Variants in SOHLH1 observed in about 807,000 individuals in gnomAD.
SOHLH1 encodes the protein spermatogenesis and oogenesis specific basic helix-loop-helix 1.
A neutral mutation model predicts 36.2 loss-of-function variants in SOHLH1; 23 were observed. The ratio of observed to expected loss-of-function variants is 0.64; its 90% CI spans 0.46 to 0.90. The LOEUF (loss-of-function observed/expected upper bound fraction) is 0.90, where lower values mean the gene tolerates loss of function less well. Among genes scored for constraint, SOHLH1 ranks in the 40% least tolerant of loss-of-function variants. SOHLH1 has a pLI of 0.00. For missense variants in SOHLH1, 608 were observed against 517.0 expected (o/e 1.18, Z -1.71); for synonymous variants, 289 against 228.3 (o/e 1.27, Z -2.40).
chr9:135,699,424 A>G lies in SOHLH1; in HGVS notation c.44T>C (p.Ile15Thr). 6.2e-7 allele frequency: 1 copy of G among 1,612,250 alleles called. No homozygotes were observed. ...CSEPYPEVSR[I>T]PTVRGCNGSL... Reference sequence around the variant, plus strand: ...TCACTTGCATCCCCTGACGGTAGGGATTCTGGAGACCTCCGGGTAGGGCTC... The same window carrying G: ...TCACTTGCATCCCCTGACGGTAGGGGTTCTGGAGACCTCCGGGTAGGGCTC... The change falls in exon 1 of 8, where the codon ATC (isoleucine) becomes ACC (threonine). Residue 15 changes from isoleucine to threonine, a missense_variant. Transcript: ENST00000425225.
rs752267463 is a variant in SOHLH1 at position 135,697,586 on chromosome 9, C to T, written c.387G>A (p.Glu129=). The T allele has an allele frequency of 1.2e-6, 2 of 1,612,576 alleles. No individual in the cohort carries two copies. Among genetic ancestry groups the T allele is most frequent in the Non-Finnish European group, 1.7e-6 (2 of 1,179,684 alleles). ...TCGACAACGTCAACTGTAAAACATCCTCCTGCAACGAGTGCCACATTTCCT... is the reference window on the plus strand; with the variant it reads ...TCGACAACGTCAACTGTAAAACATCTTCCTGCAACGAGTGCCACATTTCCT... ...SSKEMWHSLQ[E]DVLQLTLSSQ... Residue 129 remains glutamate, a synonymous_variant, in exon 4 of 8, where the codon GAG becomes GAA. Coordinates refer to ENST00000425225, the MANE Select transcript of SOHLH1 (RefSeq NM_001101677.2).
Position 135,693,627 on chromosome 9 carries a change from C to A in SOHLH1, c.1134G>T (p.Glu378Asp). 1.3e-6 allele frequency: 2 copies of A among 1,585,200 alleles called. No individual in the cohort carries two copies. Among genetic ancestry groups the A allele is most frequent in the Non-Finnish European group, 8.6e-7 (1 of 1,166,012 alleles). Residue 378 changes from glutamate (E) to aspartate (D), a missense_variant, in exon 8 of 8, where the codon GAG becomes GAT. Glu to Asp is a conservative substitution (Grantham distance 45, BLOSUM62 2). Coordinates refer to ENST00000425225, the MANE Select transcript of SOHLH1 (RefSeq NM_001101677.2). Reference protein sequence around the residue: ...CAGLALKDEVESIFPDFFAC With the variant: ...CAGLALKDEVDSIFPDFFAC ...AGGCAAAGAAGTCAGGGAAGATGCT[C>A]TCCACCTCGTCCTTCAGGGCCAGGC...
intron 3 of SOHLH1, 116 bp downstream of exon 3, chr9:135,698,213 G>A (rs1834885552): frequency 2.1e-6 from 3 of 1,441,812 alleles, no homozygotes; most frequent in East Asian, 4.5e-5. Context: ...TCTAGCCGTG[G>A]AGACCCAGAG....
chr9:135,696,916 G>A (rs1160917695), intron 4 of SOHLH1, 111 bp from the exon 5 acceptor site: 8 of 1,195,796 alleles, frequency 6.7e-6, no homozygotes. Flanking sequence ...GACACCCCAG[G>A]CACCACCCAG....
chr9:135,697,825 G>A lies in SOHLH1; in HGVS notation c.346-198C>T, dbSNP rs374179771. 7.2e-5 allele frequency among the ~76,000 whole-genome samples: 11 copies of A among 152,080 alleles called. No individual in the cohort carries two copies. In the East Asian group the frequency reaches 9.7e-4, roughly 13 times the overall value. ...AAAGGCCCCACCATTCCTGAATCAGGCTGTGCATACCCAAGGGCCTCACTG... is the reference window on the plus strand; with the variant it reads ...AAAGGCCCCACCATTCCTGAATCAGACTGTGCATACCCAAGGGCCTCACTG... On this transcript the variant is annotated intron_variant, in intron 3 of 7. Transcript: ENST00000425225.
chr9:135,694,508 G>A (rs1337208687), intron 6 of SOHLH1, 51 bp from the exon 7 acceptor site: 1 of 1,602,466 alleles, frequency 6.2e-7, no homozygotes, highest in African/African-American at 1.3e-5. Context: ...CCAGACCTTG[G>A]AGCTCAAGGA....
chr9:135,700,570 G>A (rs577357152), upstream of SOHLH1, among the ~76,000 whole-genome samples: 453 of 152,310 alleles, frequency 3.0e-3, 1 homozygote, highest in Non-Finnish European at 5.1e-3. Context: ...AGGAGCCCGG[G>A]CAGGTGCCAC....
intron 1 of SOHLH1, 42 bp downstream of exon 1, chr9:135,699,361 C>T (rs758838741): frequency 6.3e-7 from 1 of 1,587,644 alleles, no homozygotes; most frequent in East Asian, 2.3e-5. Flanking sequence ...TGGGTACAGG[C>T]CTTGGGCCCC....
chr9:135,694,470 A>C lies in SOHLH1; in HGVS notation c.876-13T>G, dbSNP rs952900128. On this transcript the variant is annotated splice_polypyrimidine_tract_variant and intron_variant, in intron 6 of 7. Transcript: ENST00000425225. Reference sequence around the variant, plus strand: ...CCCCAACGCAGACCTGGAAGCGACAAGCTCTTCCTCAGTGGCCACAAGCGG... The same window carrying C: ...CCCCAACGCAGACCTGGAAGCGACACGCTCTTCCTCAGTGGCCACAAGCGG... 6.2e-7 allele frequency: 1 copy of C among 1,612,212 alleles called. No homozygotes were observed. Among genetic ancestry groups the C allele is most frequent in the Non-Finnish European group, 8.5e-7 (1 of 1,179,866 alleles).
At chr9:135,700,063 C>T (rs1223043612), upstream of SOHLH1, among the ~76,000 whole-genome samples, 1 of 152,164 alleles carries the variant, frequency 6.6e-6, no homozygotes, top group Non-Finnish European at 1.5e-5. Context: ...CCAGGGGCAT[C>T]TTGTCCCCAC....
At chr9:135,700,992 C>G (rs571633478), upstream of SOHLH1, among the ~76,000 whole-genome samples, 2 of 152,338 alleles carry the variant, frequency 1.3e-5, no homozygotes, top group African/African-American at 4.8e-5. Flanking sequence ...ATCACAGATG[C>G]AGATGGTGCG....
In SOHLH1 at chr9:135,693,559, C is replaced by T; in HGVS notation, c.*38G>A. 1 of 1,527,268 alleles carries T rather than the reference C, an allele frequency of 6.5e-7. No homozygotes were observed. The highest frequency in any genetic ancestry group is 2.3e-4 in the Middle Eastern group (1 of 4,386). 94.6% of individuals were successfully genotyped at this position (1,527,268 alleles called of 1,614,324 possible). On this transcript the variant is annotated 3_prime_UTR_variant, in exon 8 of 8. Transcript: ENST00000425225. ...GACAGGGACACACACGGCTCCAGATCCACCGGCCCCGCCCGCCTCCTCTCC... is the reference window on the plus strand; with the variant it reads ...GACAGGGACACACACGGCTCCAGATTCACCGGCCCCGCCCGCCTCCTCTCC...
intron 3 of SOHLH1, 39 bp from the exon 4 acceptor site, chr9:135,697,666 A>G (rs1815847550): frequency 3.1e-6 from 5 of 1,596,238 alleles, no homozygotes; most frequent in Non-Finnish European, 4.3e-6. Flanking sequence ...AGACAGAGAC[A>G]GTCAGCTGAG....
chr9:135,695,033 A>G lies in SOHLH1; in HGVS notation c.875+17T>C. 1.3e-6 allele frequency: 2 copies of G among 1,580,876 alleles called. No homozygotes were observed. The highest frequency in any genetic ancestry group is 1.7e-6 in the Non-Finnish European group (2 of 1,165,596). On this transcript the variant is annotated intron_variant, in intron 6 of 7. Transcript: ENST00000425225. ...CGCTCACGCACACACAGGCGTGCAC[A>G]CCACCTGGGCACTCACCCGGCCTCC...
Position 135,699,456 on chromosome 9 carries a change from C to G in SOHLH1, c.12G>C (p.Arg4=), listed in dbSNP as rs1195631243. ...AGACCTCCGGGTAGGGCTCGGAGCA[C>G]CGGGACGCCATGAACTCGCAGCTGC... The part of the protein sequence containing the change: MAS[R]CSEPYPEVSR... The change falls in exon 1 of 8, where the codon CGG becomes CGC. Residue 4 remains arginine (R), a synonymous_variant. Coordinates refer to ENST00000425225, the MANE Select transcript of SOHLH1 (RefSeq NM_001101677.2). The G allele has an allele frequency of 2.5e-6, 4 of 1,612,130 alleles. No individual in the cohort carries two copies. The highest frequency in any genetic ancestry group is 1.7e-5 in the Admixed American group (1 of 59,930).
chr9:135,700,456 G>T (rs1314240986), upstream of SOHLH1, among the ~76,000 whole-genome samples: 4 of 152,020 alleles, frequency 2.6e-5, no homozygotes, highest in Non-Finnish European at 5.9e-5. Flanking sequence ...GGGGGGTGAG[G>T]CTGGACTGTT....
chr9:135,695,856 G>C (rs1213653788), intron 5 of SOHLH1, among the ~76,000 whole-genome samples: 3 of 152,184 alleles, frequency 2.0e-5, no homozygotes, highest in South Asian at 4.1e-4. Flanking sequence ...AGGGACAAAG[G>C]CCCCGGGTGG....
chr9:135,696,620 G>T lies in SOHLH1; in HGVS notation c.653C>A (p.Pro218His). The change falls in exon 5 of 8, where the codon CCT becomes CAT. Residue 218 changes from proline (P) to histidine (H), a missense_variant. Coordinates refer to ENST00000425225, the MANE Select transcript of SOHLH1 (RefSeq NM_001101677.2). ...GLCQVRGGLP[P>H]FSEPSSLVPW... ...GCACACCCAGGACTCACCTGAGAAA[G>T]GGGGCAGCCCACCCCGCACCTGGCA... 1 of 1,612,346 alleles carries T rather than the reference G, an allele frequency of 6.2e-7. No homozygotes were observed. The highest frequency in any genetic ancestry group is 8.5e-7 in the Non-Finnish European group (1 of 1,179,696).
intron 3 of SOHLH1, among the ~76,000 whole-genome samples, 189 bp from the exon 4 acceptor site, chr9:135,697,816 C>T (rs528654263): frequency 6.6e-6 from 1 of 152,228 alleles, no homozygotes; most frequent in South Asian, 2.1e-4. Context: ...CCCACCATTC[C>T]TGAATCAGGC....
Sources: allele counts gnomAD v4.1 joint callset (sites outside exome capture counted in the v4.1 genomes callset), GRCh38; gene constraint gnomAD v4.1.1; transcripts MANE v1.5; gene names NCBI Gene and HGNC (gene_info 2026-07-23, HGNC 2026-07-21).